SP3: variants seen among roughly 807,000 people sequenced by gnomAD.
SP3 encodes Sp3 transcription factor.
In SP3, 10 loss-of-function variants were observed where a neutral mutation model predicts 70.3. The ratio of observed to expected loss-of-function variants is 0.14; its 90% confidence interval spans 0.09 to 0.24. SP3 has a LOEUF of 0.24. Among genes scored for constraint, SP3 ranks in the 10% least tolerant of loss-of-function variants. The probability of loss-of-function intolerance (pLI) is 1.00; values close to 1 mark genes in which losing one functional copy is unlikely to be tolerated. For synonymous variants in SP3, 402 were observed against 333.5 expected, an observed-to-expected ratio of 1.21 and a Z score of -2.24; for missense variants, 825 against 914.6, an observed-to-expected ratio of 0.90 and a Z score of 1.26.
intron 4 of SP3, among the ~76,000 whole-genome samples, chr2:173,950,695 G>A (rs893900574): frequency 1.3e-5 from 2 of 151,292 alleles, no homozygotes; most frequent in Non-Finnish European, 2.9e-5. Context: ...GCAAACCAAG[G>A]ATGTCAAAGT....
intron 4 of SP3, among the ~76,000 whole-genome samples, chr2:173,948,311 G>A (rs539780277): frequency 2.0e-5 from 3 of 152,182 alleles, no homozygotes; most frequent in South Asian, 2.1e-4. Flanking sequence ...TAAAGACTTC[G>A]CAAGTTTTAA....
At chr2:173,938,356 G>A (rs1690265211) in intron 4 of SP3, among the ~76,000 whole-genome samples, 1 of 151,412 alleles carries the variant, frequency 6.6e-6, no homozygotes, top group African/African-American at 2.4e-5. Flanking sequence ...ACTCGGGAGA[G>A]GCTGAGGCAG....
chr2:173,911,497 C>T (rs904450223), intron 6 of SP3, among the ~76,000 whole-genome samples: 4 of 152,182 alleles, frequency 2.6e-5, no homozygotes, highest in Non-Finnish European at 5.9e-5. Flanking sequence ...GGAAATGCTA[C>T]ACACACATTA....
chr2:173,930,200 TGA>T (rs1690031767), intron 4 of SP3, among the ~76,000 whole-genome samples: 1 of 152,216 alleles, frequency 6.6e-6, no homozygotes, highest in African/African-American at 2.4e-5. Flanking sequence ...GTCATAACCC[TGA>T]CTGGATCCTA....
In SP3 at chr2:173,965,168, T is replaced by C; in HGVS notation, c.4A>G (p.Thr2Ala). M[T>A]APEKPVKQEE... is the part of the protein sequence containing the mutation. The stretch of plus-strand genomic sequence containing the variant: ...TTGCTCTCTCGGCTTTACGTACCGG[T>C]CATAGTGTGTTTAGGGCACCTCAGG... The change falls in exon 1 of 7, where the codon ACC becomes GCC. Residue 2 changes from threonine to alanine, a missense_variant. This residue lies in a region of SP3 where 678 missense variants were observed against 651.6 expected (regional missense o/e 1.04). Coordinates refer to ENST00000310015, the MANE Select transcript of SP3 (RefSeq NM_003111.5). 6.5e-7 allele frequency: 1 copy of C among 1,546,966 alleles called. No individual in the cohort carries two copies. Among genetic ancestry groups the C allele is most frequent in the Non-Finnish European group, 8.7e-7 (1 of 1,145,688 alleles).
Position 173,965,008 on chromosome 2 carries a change from G to A in SP3, c.7+157C>T, listed in dbSNP as rs555138132. The A allele has an allele frequency of 1.3e-5, 12 of 927,006 alleles. No individual in the cohort carries two copies. The African/African-American group carries it at 1.6e-4, about 12-fold the overall frequency. 57.4% of individuals were successfully genotyped at this position (927,006 alleles called of 1,614,324 possible). On this transcript the variant is annotated intron_variant, in intron 1 of 6. Coordinates refer to ENST00000310015, the MANE Select transcript of SP3 (RefSeq NM_003111.5). ...GGGGGTGGACGGTGGCTGGCGGGGAGGGGAGGGAGGCGCAGGGGAGTGCAG... is the reference window on the plus strand; with the variant it reads ...GGGGGTGGACGGTGGCTGGCGGGGAAGGGAGGGAGGCGCAGGGGAGTGCAG...
intron 4 of SP3, among the ~76,000 whole-genome samples, chr2:173,948,762 A>G (rs969730563): frequency 8.4e-6 from 1 of 118,638 alleles, no homozygotes; most frequent in Non-Finnish European, 2.2e-5. Flanking sequence ...CAGAAAATAA[A>G]TAATTATAAG....
intron 4 of SP3, among the ~76,000 whole-genome samples, chr2:173,945,475 A>G (rs946963113): frequency 6.6e-6 from 1 of 152,224 alleles, no homozygotes; most frequent in African/African-American, 2.4e-5. Flanking sequence ...AGTGTGGGAC[A>G]AAAGATTAAT....
rs1689188535 is a variant in SP3 at position 173,901,465 on chromosome 2, CA to C, written c.*8475del. Among the ~76,000 whole-genome samples the C allele has an allele frequency of 6.6e-6, 1 of 151,892 alleles. No homozygotes were observed. Among genetic ancestry groups the C allele is most frequent in the Admixed American group, 6.6e-5 (1 of 15,252 alleles). On this transcript the variant is annotated 3_prime_UTR_variant, in exon 7 of 7. Transcript: ENST00000310015. ...GTTTGAAGATCAATGCAAAAAATTGCAAATAACCCCAAAAAGCAAGTGGGCA... is the reference window on the plus strand; with the variant it reads ...GTTTGAAGATCAATGCAAAAAATTGCAATAACCCCAAAAAGCAAGTGGGCA...
At chr2:173,925,034 T>C (rs891545422) in intron 4 of SP3, among the ~76,000 whole-genome samples, 3 of 152,112 alleles carry the variant, frequency 2.0e-5, no homozygotes, top group Non-Finnish European at 4.4e-5. Context: ...ATTACAGGCA[T>C]GCAACACCAC....
chr2:173,959,702 C>A (rs948993311), intron 3 of SP3, among the ~76,000 whole-genome samples: 1 of 151,932 alleles, frequency 6.6e-6, no homozygotes, highest in Admixed American at 6.6e-5. Context: ...TGCAGTGAGC[C>A]GAGATTCCGC....
rs1330466436 is a variant in SP3 at position 173,906,600 on chromosome 2, T to C, written c.*3341A>G. 2.0e-5 allele frequency: 3 copies of C among 152,240 alleles called. No homozygotes were observed. Among genetic ancestry groups the C allele is most frequent in the Non-Finnish European group, 4.4e-5 (3 of 68,042 alleles). 9.4% of individuals were successfully genotyped at this position (152,240 alleles called of 1,614,324 possible). A position where few individuals can be genotyped will look rare whatever the true frequency, so the allele number is the denominator to read the frequency against. ...CAGTTTATATTATTTTAAAACCAAA[T>C]GTTATTCCATAATCATTTATGCAAC... On this transcript the variant is annotated 3_prime_UTR_variant, in exon 7 of 7. Coordinates refer to ENST00000310015, the MANE Select transcript of SP3 (RefSeq NM_003111.5).
At chr2:173,935,287 A>C (rs1410930614) in intron 4 of SP3, among the ~76,000 whole-genome samples, 1 of 152,180 alleles carries the variant, frequency 6.6e-6, no homozygotes, top group Non-Finnish European at 1.5e-5. Flanking sequence ...TCCAGGTTAA[A>C]AGAAGCTAAC....
chr2:173,924,450 C>A (rs746816563), intron 4 of SP3, among the ~76,000 whole-genome samples: 7 of 152,192 alleles, frequency 4.6e-5, no homozygotes, highest in Admixed American at 2.0e-4. Context: ...ACTAGTTAAG[C>A]CCCTGTTAAG....
At chr2:173,925,838 GT>G (rs1167988394) in intron 4 of SP3, among the ~76,000 whole-genome samples, 2 of 151,954 alleles carry the variant, frequency 1.3e-5, no homozygotes, top group Non-Finnish European at 2.9e-5. Context: ...TACTATAAAG[GT>G]TTTTTTAAAA....
rs1006451613 is a variant in SP3, at chr2:173,909,342, G to C, written c.*599C>G. ...GATTTAAAAGGTGACTATCCCTAGA[G>C]TTCCATGTTAAAATGTAGTTTTCAA... On this transcript the variant is annotated 3_prime_UTR_variant, in exon 7 of 7. Coordinates refer to ENST00000310015, the MANE Select transcript of SP3 (RefSeq NM_003111.5). 5.2e-5 allele frequency: 8 copies of C among 152,416 alleles called. No homozygotes were observed. The highest frequency in any genetic ancestry group is 1.9e-4 in the African/African-American group (8 of 41,438). 9.4% of individuals were successfully genotyped at this position (152,416 alleles called of 1,614,324 possible).
Position 173,918,728 on chromosome 2 carries a change from G to A in SP3, c.1697C>T (p.Ser566Phe). ...DPEEWQLSGD[S>F]TLNTNDLTHL... ...TGTTAGGTCATTGGTATTCAAGGTAGAATCACCACTGAGCTGCCACTCTTC... is the reference window on the plus strand; with the variant it reads ...TGTTAGGTCATTGGTATTCAAGGTAAAATCACCACTGAGCTGCCACTCTTC... The change falls in exon 5 of 7, where the codon TCT becomes TTT. Residue 566 changes from serine to phenylalanine, a missense_variant. Ser to Phe is a radical substitution (Grantham distance 155). Coordinates refer to ENST00000310015, the MANE Select transcript of SP3 (RefSeq NM_003111.5). 1 of 1,613,388 alleles carries A rather than the reference G, an allele frequency of 6.2e-7. No homozygotes were observed. Among genetic ancestry groups the A allele is most frequent in the Non-Finnish European group, 8.5e-7 (1 of 1,179,614 alleles).
In SP3 at chr2:173,964,726, G is replaced by C. The variant is rs529779109; in HGVS notation, c.8-173C>G. ...GGCGGCTCCCTCCTCCCCTCCTGCT[G>C]CTGCCCCCGCCCGCCGCTGCCTGTA... On this transcript the variant is annotated intron_variant, in intron 1 of 6. Coordinates refer to ENST00000310015, the MANE Select transcript of SP3 (RefSeq NM_003111.5). 64 of 337,364 alleles carry C rather than the reference G, an allele frequency of 1.9e-4. 2 individuals are homozygous for C. In the South Asian group the frequency reaches 3.2e-3, roughly 17 times the overall value. The allele number at this position is 337,364 out of a possible 1,614,324, so 20.9% of individuals were successfully genotyped here.
Position 173,906,981 on chromosome 2 carries a change from G to C in SP3, c.*2960C>G, listed in dbSNP as rs1477382653. On this transcript the variant is annotated 3_prime_UTR_variant, in exon 7 of 7. Transcript: ENST00000310015. Reference sequence around the variant, plus strand: ...AGCTTATATGTATGTGTATTTTTAAGTATCTTAAGCATTGCCACTATTTTG... The same window carrying C: ...AGCTTATATGTATGTGTATTTTTAACTATCTTAAGCATTGCCACTATTTTG... 6.6e-6 allele frequency: 1 copy of C among 152,160 alleles called. No homozygotes were observed. Among genetic ancestry groups the C allele is most frequent in the African/African-American group, 2.4e-5 (1 of 41,450 alleles). 9.4% of individuals were successfully genotyped at this position (152,160 alleles called of 1,614,324 possible). A position where few individuals can be genotyped will look rare whatever the true frequency, so the allele number is the denominator to read the frequency against.
Sources: gnomAD v4.1 joint callset for allele counts (sites outside exome capture counted in the v4.1 genomes callset) on GRCh38, gnomAD v4.1.1 for gene constraint, gnomAD v4.1.1 regional missense constraint, MANE v1.5 for transcripts, NCBI Gene and HGNC (gene_info 2026-07-23, HGNC 2026-07-21) for gene names.